SH2D3C: variants seen among roughly 807,000 people sequenced by gnomAD.
The protein encoded by SH2D3C is SH2 domain-containing protein 3C.
A neutral mutation model predicts 75.2 loss-of-function variants in SH2D3C; 25 were observed. That is an observed-to-expected ratio of 0.33 (90% CI 0.24 to 0.46). The LOEUF (loss-of-function observed/expected upper bound fraction) is 0.46, where lower values mean the gene tolerates loss of function less well. Ranked by LOEUF, SH2D3C falls within the 20% of genes least tolerant of loss-of-function variation. SH2D3C has a pLI of 1.00. For missense variants in SH2D3C, 933 were observed against 1,165.3 expected, an observed-to-expected ratio of 0.80 and a Z score of 2.90; for synonymous variants, 450 against 473.7, an observed-to-expected ratio of 0.95 and a Z score of 0.65.
intron 2 of SH2D3C, among the ~76,000 whole-genome samples, chr9:127,772,665 G>T (rs1238806397): frequency 6.6e-6 from 1 of 152,100 alleles, no homozygotes; most frequent in Non-Finnish European, 1.5e-5. Flanking sequence ...GGATTGAGGG[G>T]TCTCCCGGGG....
At chr9:127,767,009 C>T in intron 2 of SH2D3C, 1 of 1,536,184 alleles carries the variant, frequency 6.5e-7, no homozygotes, top group South Asian at 1.2e-5. Flanking sequence ...GGACACCAGC[C>T]ATGGGGCCTG....
intron 3 of SH2D3C, among the ~76,000 whole-genome samples, chr9:127,752,028 G>A (rs776011895): frequency 1.3e-5 from 2 of 152,168 alleles, no homozygotes; most frequent in Non-Finnish European, 2.9e-5. Flanking sequence ...CAGATGGGGA[G>A]ACCATGGCCC....
chr9:127,775,548 A>G (rs1845797310), intron 1 of SH2D3C, among the ~76,000 whole-genome samples: 1 of 152,082 alleles, frequency 6.6e-6, no homozygotes, highest in Admixed American at 6.5e-5. Context: ...AATAGCCTGA[A>G]TCCTGGAGGT....
chr9:127,758,069 G>T (rs573783352), intron 3 of SH2D3C, among the ~76,000 whole-genome samples: 384 of 152,148 alleles, frequency 2.5e-3, no homozygotes, highest in Non-Finnish European at 3.7e-3. Flanking sequence ...CAAGGCCCAA[G>T]GCCCCCAAAG....
chr9:127,766,835 G>C (rs563030739), intron 2 of SH2D3C: 2 of 1,221,038 alleles, frequency 1.6e-6, no homozygotes, highest in Middle Eastern at 1.9e-4. Context: ...CTCCCAAAGT[G>C]CTGGGGTTAC....
At chr9:127,744,206 GA>G (rs1844953541) in intron 7 of SH2D3C, among the ~76,000 whole-genome samples, 1 of 151,530 alleles carries the variant, frequency 6.6e-6, no homozygotes, top group Admixed American at 6.6e-5. Flanking sequence ...AAGTAGCTGG[GA>G]TTACAGGCGC....
chr9:127,751,446 C>T lies in SH2D3C; in HGVS notation c.556-146G>A. 1 of 760,664 alleles carries T rather than the reference C, an allele frequency of 1.3e-6. No individual in the cohort carries two copies. The highest frequency in any genetic ancestry group is 2.2e-6 in the Non-Finnish European group (1 of 458,754). 47.1% of individuals were successfully genotyped at this position (760,664 alleles called of 1,614,324 possible). A position where few individuals can be genotyped will look rare whatever the true frequency, so the allele number is the denominator to read the frequency against. On this transcript the variant is annotated intron_variant, in intron 3 of 11. Coordinates refer to ENST00000314830, the MANE Select transcript of SH2D3C (RefSeq NM_170600.3). This position sits in a 1 kb window ranked among gnomAD's most constrained non-coding sequence, Gnocchi z 4.1. Reference sequence around the variant, plus strand: ...AGGTGCCAGACCCTTTCCCATGGGTCCCAGAAAGAGTAAAGAAATCTCAAT... The same window carrying T: ...AGGTGCCAGACCCTTTCCCATGGGTTCCAGAAAGAGTAAAGAAATCTCAAT...
intron 9 of SH2D3C, among the ~76,000 whole-genome samples, chr9:127,741,189 G>A (rs1161646088): frequency 2.6e-5 from 4 of 151,852 alleles, no homozygotes; most frequent in Non-Finnish European, 5.9e-5. Context: ...ACTTAGTATA[G>A]CACCTAGCCT....
At position 127,739,055 on chromosome 9, in the gene SH2D3C, G is replaced by A. The variant is rs1030023364; in HGVS notation, c.2408-134C>T. The stretch of plus-strand genomic sequence containing the variant: ...TCCAACAAGGTTTGTGAATCAACAC[G>A]ACCCTGTAGTTTAGCATCTTTGTCC... On this transcript the variant is annotated intron_variant, in intron 11 of 11. Coordinates refer to ENST00000314830, the MANE Select transcript of SH2D3C (RefSeq NM_170600.3). The surrounding 1 kb of genome is among the most constrained non-coding windows in gnomAD (Gnocchi z 4.3). 6 of 659,934 alleles carry A rather than the reference G, an allele frequency of 9.1e-6. No individual in the cohort carries two copies. The highest frequency in any genetic ancestry group is 6.5e-5 in the East Asian group (2 of 30,788). 40.9% of individuals were successfully genotyped at this position (659,934 alleles called of 1,614,324 possible).
chr9:127,770,280 C>T (rs1222916108), intron 2 of SH2D3C, among the ~76,000 whole-genome samples: 1 of 152,182 alleles, frequency 6.6e-6, no homozygotes, highest in East Asian at 1.9e-4. Flanking sequence ...TCCAGGTGCA[C>T]CCTGTCTCCC....
intron 7 of SH2D3C, 136 bp from the exon 8 acceptor site, chr9:127,743,100 C>T (rs1046807817): frequency 1.7e-6 from 1 of 588,150 alleles, no homozygotes; most frequent in Non-Finnish European, 3.0e-6. Flanking sequence ...CACCGCTAAC[C>T]CTCTGATATG....
intron 2 of SH2D3C, chr9:127,771,475 C>G (rs896327201): frequency 2.2e-6 from 2 of 912,708 alleles, no homozygotes; most frequent in Non-Finnish European, 3.0e-6. Context: ...GCTCCGCCCC[C>G]TCCCCATCAG....
Position 127,738,446 on chromosome 9 carries a change from G to A in SH2D3C, c.*300C>T, listed in dbSNP as rs1365167454. On this transcript the variant is annotated 3_prime_UTR_variant, in exon 12 of 12. Coordinates refer to ENST00000314830, the MANE Select transcript of SH2D3C (RefSeq NM_170600.3). This position sits in a 1 kb window ranked among gnomAD's most constrained non-coding sequence, Gnocchi z 5.0. The stretch of plus-strand genomic sequence containing the variant: ...GTGAGGGACAGACAGAGAGTGAGGA[G>A]GCGTGAGCAGCCTGCCTCCCATGGC... 6 of 278,252 alleles carry A rather than the reference G, an allele frequency of 2.2e-5. No homozygotes were observed. The highest frequency in any genetic ancestry group is 3.4e-5 in the Non-Finnish European group (5 of 147,066). 17.2% of individuals were successfully genotyped at this position (278,252 alleles called of 1,614,324 possible).
rs1387935834 is a variant in SH2D3C, at chr9:127,749,909, C to T, written c.685-244G>A. On this transcript the variant is annotated intron_variant, in intron 4 of 11. Transcript: ENST00000314830. This position sits in a 1 kb window ranked among gnomAD's most constrained non-coding sequence, Gnocchi z 5.9. ...GAGGCTCAGGAATGGGAGGACCCAA[C>T]ACCTTGGAATGGGAGGCACAGAGGC... 6.6e-6 allele frequency among the ~76,000 whole-genome samples: 1 copy of T among 152,142 alleles called. No individual in the cohort carries two copies. The highest frequency in any genetic ancestry group is 2.4e-5 in the African/African-American group (1 of 41,438).
chr9:127,755,066 G>A (rs1335055712), intron 3 of SH2D3C: 4 of 1,181,652 alleles, frequency 3.4e-6, no homozygotes, highest in Admixed American at 4.5e-5. Context: ...CGGGGGCCGA[G>A]CCGCCCCCTC....
intron 3 of SH2D3C, among the ~76,000 whole-genome samples, chr9:127,758,703 G>C (rs957199721): frequency 5.3e-5 from 8 of 152,206 alleles, no homozygotes; most frequent in African/African-American, 1.9e-4. Context: ...GCTTAACTTT[G>C]TCTCCTTTCT....
Position 127,739,853 on chromosome 9 carries a change from C to T in SH2D3C, c.2236G>A (p.Val746Met), listed in dbSNP as rs1477165261. 1 of 1,562,812 alleles carries T rather than the reference C, an allele frequency of 6.4e-7. No homozygotes were observed. The highest frequency in any genetic ancestry group is 1.2e-5 in the South Asian group (1 of 85,946). The change falls in exon 11 of 12, where the codon GTG (valine) becomes ATG (methionine). Residue 746 changes from valine (V) to methionine (M), a missense_variant. Val to Met is a conservative substitution (Grantham distance 21, BLOSUM62 1). Transcript: ENST00000314830. The surrounding 1 kb of genome is among the most constrained non-coding windows in gnomAD (Gnocchi z 4.3). ...PPLSNTTFPH[V>M]LPLITLLECD... Reference sequence around the variant, plus strand: ...TCCAGCAGGGTGATGAGGGGCAGCACATGAGGAAACGTGGTGTTGCTCAGC... The same window carrying T: ...TCCAGCAGGGTGATGAGGGGCAGCATATGAGGAAACGTGGTGTTGCTCAGC...
At chr9:127,772,943 C>T (rs568861636) in intron 2 of SH2D3C, among the ~76,000 whole-genome samples, 6 of 152,012 alleles carry the variant, frequency 3.9e-5, no homozygotes, top group South Asian at 4.1e-4. Flanking sequence ...AAGCAATTCT[C>T]GTGCCTCCAC....
intron 2 of SH2D3C, chr9:127,771,209 C>A: frequency 6.5e-7 from 1 of 1,547,082 alleles, no homozygotes; most frequent in East Asian, 2.5e-5. Context: ...GCGCGGGGCA[C>A]CTTCGGCCCA....
Sources: gnomAD v4.1 joint callset for allele counts (sites outside exome capture counted in the v4.1 genomes callset) on GRCh38, gnomAD v4.1.1 for gene constraint, Gnocchi (gnomAD v3.1) non-coding constraint, MANE v1.5 for transcripts, NCBI Gene and HGNC (gene_info 2026-07-23, HGNC 2026-07-21) for gene names.